SH2D4B: variants seen among roughly 807,000 people sequenced by gnomAD.
SH2D4B encodes SH2 domain-containing protein 4B.
A neutral mutation model predicts 61.5 loss-of-function variants in SH2D4B; 45 were observed. That is an observed-to-expected ratio of 0.73 (90% CI 0.58 to 0.94). The LOEUF (loss-of-function observed/expected upper bound fraction) is 0.94, where lower values mean the gene tolerates loss of function less well. Ranked by LOEUF, SH2D4B falls within the 40% of genes least tolerant of loss-of-function variation. SH2D4B has a pLI of 0.00. For missense variants in SH2D4B, 572 were observed against 574.2 expected, an observed-to-expected ratio of 1.00 and a Z score of 0.04; for synonymous variants, 224 against 220.4, an observed-to-expected ratio of 1.02 and a Z score of -0.14.
intron 6 of SH2D4B, among the ~76,000 whole-genome samples, chr10:80,620,639 T>C (rs1842708763): frequency 1.3e-5 from 2 of 152,240 alleles, no homozygotes; most frequent in Non-Finnish European, 2.9e-5. Flanking sequence ...GCTGCATCCC[T>C]ATCCCAGCTC....
At chr10:80,545,673 G>A (rs1439516290) in intron 1 of SH2D4B, among the ~76,000 whole-genome samples, 2 of 152,090 alleles carry the variant, frequency 1.3e-5, no homozygotes, top group African/African-American at 2.4e-5. Flanking sequence ...TCCCAGCATC[G>A]AGAACAAGGT....
At chr10:80,609,580 A>G (rs1564783005) in intron 6 of SH2D4B, 29 bp downstream of exon 6, 2 of 1,613,692 alleles carry the variant, frequency 1.2e-6, no homozygotes, top group Admixed American at 3.3e-5. Context: ...GCCCTGTGCC[A>G]GATGATTTCC....
intron 3 of SH2D4B, among the ~76,000 whole-genome samples, chr10:80,585,383 C>T (rs1419841844): frequency 6.7e-6 from 1 of 150,092 alleles, no homozygotes; most frequent in Non-Finnish European, 1.5e-5. Flanking sequence ...GGCGTGATCT[C>T]AGCTCACTGC....
Position 80,570,202 on chromosome 10 carries a change from T to C in SH2D4B, c.233T>C (p.Val78Ala). 6.2e-7 allele frequency: 1 copy of C among 1,613,880 alleles called. No homozygotes were observed. Among genetic ancestry groups the C allele is most frequent in the East Asian group, 2.2e-5 (1 of 44,864 alleles). The part of the protein sequence containing the change: ...IQWLLGADGE[V>A]WVWIMGEGPG... ...TGGCTCCTAGGGGCAGATGGCGAGGTCTGGGTCTGGATCATGGGAGAAGGC... is the reference window on the plus strand; with the variant it reads ...TGGCTCCTAGGGGCAGATGGCGAGGCCTGGGTCTGGATCATGGGAGAAGGC... Residue 78 changes from valine (V) to alanine (A), a missense_variant, in exon 2 of 8, where the codon GTC becomes GCC. Coordinates refer to ENST00000646907, the MANE Select transcript of SH2D4B (RefSeq NM_001388272.1).
At chr10:80,574,845 C>T (rs1224326610) in intron 3 of SH2D4B, among the ~76,000 whole-genome samples, 1 of 152,066 alleles carries the variant, frequency 6.6e-6, no homozygotes, top group East Asian at 1.9e-4. Context: ...GGATTGCAGG[C>T]ACCCACCACC....
chr10:80,547,798 G>A (rs1841702563), intron 1 of SH2D4B, among the ~76,000 whole-genome samples: 1 of 152,192 alleles, frequency 6.6e-6, no homozygotes, highest in African/African-American at 2.4e-5. Flanking sequence ...GAGGACACTA[G>A]TTATTTCCAG....
intron 1 of SH2D4B, among the ~76,000 whole-genome samples, chr10:80,559,832 T>C (rs75726624): frequency 0.051 from 7,781 of 151,552 alleles, 628 homozygotes; most frequent in African/African-American, 0.18. Context: ...GAAATAGGGT[T>C]TCACTGTGTT....
intron 5 of SH2D4B, among the ~76,000 whole-genome samples, chr10:80,606,205 G>C (rs1439604070): frequency 2.6e-5 from 4 of 151,784 alleles, no homozygotes; most frequent in African/African-American, 9.7e-5. Context: ...GAGAGGTTCA[G>C]ATTCAGGAGT....
chr10:80,567,444 G>T (rs1389988224), intron 1 of SH2D4B, among the ~76,000 whole-genome samples: 4 of 152,142 alleles, frequency 2.6e-5, no homozygotes, highest in African/African-American at 9.7e-5. Flanking sequence ...GACACCTTCA[G>T]GTCCCAGCCA....
intron 3 of SH2D4B, among the ~76,000 whole-genome samples, chr10:80,579,547 C>G (rs568931684): frequency 6.6e-6 from 1 of 152,182 alleles, no homozygotes; most frequent in Non-Finnish European, 1.5e-5. Flanking sequence ...TCTTCCACCC[C>G]GGGGTCCTGT....
intron 1 of SH2D4B, among the ~76,000 whole-genome samples, chr10:80,563,777 C>G (rs1841935270): frequency 6.6e-6 from 1 of 152,284 alleles, no homozygotes; most frequent in Middle Eastern, 3.4e-3. Flanking sequence ...TTTGATAACT[C>G]TTGTCCTAAA....
chr10:80,546,819 G>T (rs1426272262), intron 1 of SH2D4B, among the ~76,000 whole-genome samples: 1 of 152,088 alleles, frequency 6.6e-6, no homozygotes, highest in African/African-American at 2.4e-5. Flanking sequence ...GAGCCACCGC[G>T]CCCAGCCAGC....
intron 3 of SH2D4B, among the ~76,000 whole-genome samples, chr10:80,580,832 T>C (rs960749916): frequency 6.6e-6 from 1 of 152,170 alleles, no homozygotes; most frequent in Non-Finnish European, 1.5e-5. Flanking sequence ...GCTGGACAGC[T>C]CAGAGGGCTT....
At chr10:80,540,429 C>T (rs531071963) in intron 1 of SH2D4B, among the ~76,000 whole-genome samples, 1 of 152,132 alleles carries the variant, frequency 6.6e-6, no homozygotes, top group Non-Finnish European at 1.5e-5. Context: ...GTGAGCTTTA[C>T]GTTGACTGGG....
intron 7 of SH2D4B, among the ~76,000 whole-genome samples, chr10:80,636,678 C>A (rs560930767): frequency 4.6e-4 from 70 of 152,032 alleles, no homozygotes; most frequent in African/African-American, 1.7e-3. Flanking sequence ...TGTTTAAGTT[C>A]TCTGTAGATT....
intron 3 of SH2D4B, among the ~76,000 whole-genome samples, chr10:80,587,467 C>CG (rs1842273542): frequency 6.6e-6 from 1 of 151,970 alleles, no homozygotes; most frequent in African/African-American, 2.4e-5. Context: ...TTAGTAGAGA[C>CG]GGGGTTTCTC....
chr10:80,553,411 A>G (rs994599520), intron 1 of SH2D4B, among the ~76,000 whole-genome samples: 3 of 152,238 alleles, frequency 2.0e-5, no homozygotes, highest in Non-Finnish European at 2.9e-5. Flanking sequence ...AACAGGACTG[A>G]CAGCAGGGTC....
chr10:80,541,004 G>T, intron 1 of SH2D4B: 1 of 1,098,464 alleles, frequency 9.1e-7, no homozygotes. Flanking sequence ...GAATGAGTCA[G>T]AATGATAGGA....
intron 1 of SH2D4B, among the ~76,000 whole-genome samples, chr10:80,540,353 G>C (rs947821068): frequency 1.3e-5 from 2 of 152,140 alleles, no homozygotes; most frequent in East Asian, 3.9e-4. Context: ...GCTTTCGGCC[G>C]GAGGGTCCAG....
Sources: gnomAD v4.1 joint callset for allele counts (sites outside exome capture counted in the v4.1 genomes callset) on GRCh38, gnomAD v4.1.1 for gene constraint, MANE v1.5 for transcripts, NCBI Gene and HGNC (gene_info 2026-07-23, HGNC 2026-07-21) for gene names.